FREM3: variants seen among roughly 807,000 people sequenced by gnomAD.
FREM3 encodes FRAS1-related extracellular matrix protein 3.
FREM3 carries 105 observed loss-of-function variants against 129.1 expected under a neutral mutation model. That is an observed-to-expected ratio of 0.81 (90% confidence interval 0.69 to 0.96). FREM3 has a LOEUF of 0.96. Among genes scored for constraint, FREM3 ranks in the 40% least tolerant of loss-of-function variants. The pLI is 0.00. For synonymous variants in FREM3, 1,014 were observed against 1,044.9 expected, an observed-to-expected ratio of 0.97 and a Z score of 0.57; for missense variants, 2,593 against 2,666.3, an observed-to-expected ratio of 0.97 and a Z score of 0.61.
intron 2 of FREM3, among the ~76,000 whole-genome samples, chr4:143,680,625 A>G (rs546615461): frequency 2.6e-5 from 4 of 152,116 alleles, no homozygotes; most frequent in African/African-American, 9.6e-5. Flanking sequence ...CACTGTTTTT[A>G]TTTAAAATAT....
chr4:143,604,672 A>C (rs549990468), intron 6 of FREM3, among the ~76,000 whole-genome samples: 2 of 152,264 alleles, frequency 1.3e-5, no homozygotes, highest in Admixed American at 6.5e-5. Flanking sequence ...AGAAGCCAAA[A>C]CTTGGGAACT....
rs752268813 is a variant in FREM3 at position 143,698,000 on chromosome 4, T to G, written c.2676A>C (p.Gln892His). ...AGACACTCCCGTTAATAACATCAGCTTGCATGAAAGATTCCCCTGGGACCA... is the reference window on the plus strand; with the variant it reads ...AGACACTCCCGTTAATAACATCAGCGTGCATGAAAGATTCCCCTGGGACCA... ...RCMVPGESFM[Q>H]ADVINGSVSY... Residue 892 changes from glutamine (Q) to histidine (H), a missense_variant, in exon 1 of 8, where the codon CAA becomes CAC. Transcript: ENST00000329798. 1.3e-6 allele frequency: 2 copies of G among 1,537,312 alleles called. No homozygotes were observed. The highest frequency in any genetic ancestry group is 2.4e-5 in the South Asian group (2 of 84,060).
At chr4:143,601,733 C>G (rs1178286716) in intron 6 of FREM3, 1 of 152,132 alleles carries the variant, frequency 6.6e-6, no homozygotes, top group African/African-American at 2.4e-5. Context: ...TTTATAATGG[C>G]TGTCTTGGCA....
Position 143,698,226 on chromosome 4 carries a change from G to C in FREM3, c.2450C>G (p.Thr817Arg), listed in dbSNP as rs1219751356. Residue 817 changes from threonine (T) to arginine (R), a missense_variant, in exon 1 of 8, where the codon ACA becomes AGA. By Grantham distance (71) the Thr-to-Arg change is moderately conservative. This residue lies in a region of FREM3 where 2,276 missense variants were observed against 2,267.2 expected (regional missense o/e 1.00). Coordinates refer to ENST00000329798, the MANE Select transcript of FREM3 (RefSeq NM_001168235.2). ...CACAGGTTGCAGGAATAATGTGAAT[G>C]TGCCTGGCACGCTATTGCCTGCAGC... ...EDAAGNSVPG[T>R]FTLFLQPVDN... The C allele has an allele frequency of 2.6e-6, 4 of 1,537,302 alleles. No individual in the cohort carries two copies. The highest frequency in any genetic ancestry group is 3.5e-6 in the Non-Finnish European group (4 of 1,146,944).
At chr4:143,677,184 C>A (rs1161092856) in intron 2 of FREM3, among the ~76,000 whole-genome samples, 1 of 152,110 alleles carries the variant, frequency 6.6e-6, no homozygotes. Flanking sequence ...GGTACTGGTA[C>A]CAAAACAGAG....
intron 6 of FREM3, among the ~76,000 whole-genome samples, chr4:143,590,927 G>A (rs1738348733): frequency 6.6e-6 from 1 of 152,150 alleles, no homozygotes; most frequent in Admixed American, 6.5e-5. Context: ...TCTGTTATTG[G>A]TCTATTCAGA....
Position 143,669,257 on chromosome 4 carries a change from A to G in FREM3, c.5275+23856T>C, listed in dbSNP as rs533192045. On this transcript the variant is annotated intron_variant, in intron 2 of 7. Transcript: ENST00000329798. The stretch of plus-strand genomic sequence containing the variant: ...GGGTGCGTTATGAATTCTCTCACAC[A>G]GATCATAACTCTATTCTTAGCTGTG... 4.2e-3 allele frequency among the ~76,000 whole-genome samples: 640 copies of G among 152,314 alleles called. 1 individual carries two copies. Among genetic ancestry groups the G allele is most frequent in the Middle Eastern group, 0.02 (6 of 294 alleles).
At chr4:143,679,966 G>A (rs1740220831) in intron 2 of FREM3, among the ~76,000 whole-genome samples, 1 of 152,034 alleles carries the variant, frequency 6.6e-6, no homozygotes, top group Non-Finnish European at 1.5e-5. Flanking sequence ...GTATGTATAA[G>A]CTAGAATAAT....
rs184153903 is a variant in FREM3, at chr4:143,687,825, A to G, written c.5275+5288T>C. On this transcript the variant is annotated intron_variant, in intron 2 of 7. Coordinates refer to ENST00000329798, the MANE Select transcript of FREM3 (RefSeq NM_001168235.2). ...CAAAATCCAGCATCCCTTTATTATTAAAACTCTCAGCAAAATTGGCACACA... is the reference window on the plus strand; with the variant it reads ...CAAAATCCAGCATCCCTTTATTATTGAAACTCTCAGCAAAATTGGCACACA... Among the ~76,000 whole-genome samples, 70 of 152,316 alleles carry G rather than the reference A, an allele frequency of 4.6e-4. 1 individual carries two copies. Among genetic ancestry groups the G allele is most frequent in the African/African-American group, 1.6e-3 (68 of 41,568 alleles).
intron 2 of FREM3, among the ~76,000 whole-genome samples, chr4:143,651,311 T>C (rs918711702): frequency 7.9e-5 from 12 of 152,268 alleles, no homozygotes; most frequent in African/African-American, 2.9e-4. Context: ...GCGTTTGGCT[T>C]GCTGTACAAG....
In FREM3 at chr4:143,698,713, G is replaced by A; in HGVS notation, c.1963C>T (p.Leu655Phe). ...TGTGGTCCAAGATGGCGGTAGAAGA[G>A]TCTCCCTTCCATTATGTCTCTCTGT... ...WLQRDIMEGR[L>F]FYRHLGPHSP... is the part of the protein sequence containing the mutation. Residue 655 changes from leucine (L) to phenylalanine (F), a missense_variant, in exon 1 of 8, where the codon CTC becomes TTC. Around this residue, in one of 2 missense-constraint regions of FREM3, gnomAD observed 2,276 missense variants for 2,267.2 expected, o/e 1.00. Coordinates refer to ENST00000329798, the MANE Select transcript of FREM3 (RefSeq NM_001168235.2). 6 of 1,537,330 alleles carry A rather than the reference G, an allele frequency of 3.9e-6. No homozygotes were observed. Among genetic ancestry groups the A allele is most frequent in the Non-Finnish European group, 5.2e-6 (6 of 1,146,932 alleles).
chr4:143,656,372 T>C (rs952669063), intron 2 of FREM3, among the ~76,000 whole-genome samples: 1 of 152,168 alleles, frequency 6.6e-6, no homozygotes, highest in African/African-American at 2.4e-5. Flanking sequence ...AATGTTCAAA[T>C]AGCACTATTC....
chr4:143,696,894 TG>T lies in FREM3; in HGVS notation c.3781del (p.Gln1261ArgfsTer24). On this transcript the variant is annotated frameshift_variant, in exon 1 of 8. Transcript: ENST00000329798. LOFTEE classifies it high-confidence loss of function. The stretch of plus-strand genomic sequence containing the variant: ...CTCATACACAATGGTGGAGGCCTCC[TG>T]GATCTCCTTGAGGGTGAAGCTGTGG... ...PIHSFTLKEI[Q>X]EASTIVYEHD... 1 of 1,537,686 alleles carries T rather than the reference TG, an allele frequency of 6.5e-7. No homozygotes were observed. The highest frequency in any genetic ancestry group is 8.7e-7 in the Non-Finnish European group (1 of 1,147,008).
intron 2 of FREM3, among the ~76,000 whole-genome samples, chr4:143,690,959 C>A (rs1173299933): frequency 2.0e-5 from 3 of 152,054 alleles, no homozygotes; most frequent in Non-Finnish European, 4.4e-5. Flanking sequence ...GGTTGCAGTG[C>A]ACTATGATTG....
intron 1 of FREM3, 68 bp downstream of exon 1, chr4:143,695,423 C>T: frequency 7.5e-7 from 1 of 1,332,106 alleles, no homozygotes; most frequent in Non-Finnish European, 1.0e-6. Context: ...GACAATTTTA[C>T]ACAAAGCTGA....
intron 2 of FREM3, among the ~76,000 whole-genome samples, chr4:143,690,454 C>T (rs1011074252): frequency 1.3e-5 from 2 of 152,052 alleles, no homozygotes; most frequent in East Asian, 1.9e-4. Flanking sequence ...ACCTAATGTC[C>T]AGTTCTGGAG....
chr4:143,615,522 G>A (rs886212299), intron 5 of FREM3, among the ~76,000 whole-genome samples: 1 of 152,122 alleles, frequency 6.6e-6, no homozygotes, highest in Non-Finnish European at 1.5e-5. Context: ...GGGTAGCAAA[G>A]GCTCGGCTGG....
chr4:143,595,465 A>G (rs1208097466), intron 6 of FREM3, among the ~76,000 whole-genome samples: 1 of 152,224 alleles, frequency 6.6e-6, no homozygotes, highest in Non-Finnish European at 1.5e-5. Context: ...TGCTGTAAGC[A>G]TGGTGCTAGT....
intron 2 of FREM3, among the ~76,000 whole-genome samples, chr4:143,666,203 A>G (rs59053024): frequency 0.025 from 3,847 of 152,216 alleles, 174 homozygotes; most frequent in African/African-American, 0.087. Context: ...AATCCCCTTC[A>G]TAGAACAATG....
Sources: gnomAD v4.1 joint callset for allele counts (sites outside exome capture counted in the v4.1 genomes callset) on GRCh38, gnomAD v4.1.1 for gene constraint, gnomAD v4.1.1 regional missense constraint, MANE v1.5 for transcripts, NCBI Gene and HGNC (gene_info 2026-07-23, HGNC 2026-07-21) for gene names.